SMOC2: variants seen among roughly 807,000 people sequenced by gnomAD.
The protein encoded by SMOC2 is SPARC-related modular calcium-binding protein 2.
SMOC2 carries 39 observed loss-of-function variants against 61.4 expected under a neutral mutation model. The observed-to-expected ratio is 0.64, with a 90% confidence interval of 0.49 to 0.83. The LOEUF (loss-of-function observed/expected upper bound fraction) is 0.83, where lower values mean the gene tolerates loss of function less well. Among genes scored for constraint, SMOC2 ranks in the 40% least tolerant of loss-of-function variants. The pLI, the probability that SMOC2 is intolerant of heterozygous loss-of-function variation, is 0.00. For missense variants in SMOC2, 556 were observed against 592.9 expected (o/e 0.94, Z 0.65); for synonymous variants, 247 against 239.9 (o/e 1.03, Z -0.27).
At chr6:168,665,666 T>A (rs1291445452) in intron 12 of SMOC2, among the ~76,000 whole-genome samples, 2 of 152,252 alleles carry the variant, frequency 1.3e-5, no homozygotes, top group Admixed American at 6.5e-5. Flanking sequence ...AACCATCTTT[T>A]GAGACTGTTA....
At chr6:168,631,217 C>G (rs1232021374) in intron 9 of SMOC2, among the ~76,000 whole-genome samples, 8 of 152,200 alleles carry the variant, frequency 5.3e-5, no homozygotes, top group Non-Finnish European at 2.9e-5. Flanking sequence ...CTTTTGTACT[C>G]TGTCCCTTTA....
chr6:168,541,957 C>T (rs928199797), intron 4 of SMOC2, among the ~76,000 whole-genome samples: 6 of 152,126 alleles, frequency 3.9e-5, no homozygotes, highest in African/African-American at 1.4e-4. Flanking sequence ...TCTGTCTGTA[C>T]AGTGCAAAAT....
At chr6:168,648,280 G>A (rs1455381656) in intron 9 of SMOC2, among the ~76,000 whole-genome samples, 4 of 152,338 alleles carry the variant, frequency 2.6e-5, no homozygotes, top group Admixed American at 6.5e-5. Context: ...GCAGGTGCCC[G>A]AGGTCCTGTG....
chr6:168,583,307 T>C (rs570419746), intron 7 of SMOC2, among the ~76,000 whole-genome samples: 1 of 151,962 alleles, frequency 6.6e-6, no homozygotes, highest in East Asian at 2.0e-4. Context: ...CTGCCCTGCC[T>C]CACTCCTTCC....
At chr6:168,607,048 G>A (rs1003351166) in intron 8 of SMOC2, among the ~76,000 whole-genome samples, 1 of 152,160 alleles carries the variant, frequency 6.6e-6, no homozygotes, top group African/African-American at 2.4e-5. Flanking sequence ...GAAAGGGGCG[G>A]TGGGTGTGCT....
chr6:168,585,697 G>A (rs1345476849), intron 7 of SMOC2, among the ~76,000 whole-genome samples: 1 of 152,236 alleles, frequency 6.6e-6, no homozygotes, highest in Non-Finnish European at 1.5e-5. Context: ...GGTTGTTCTA[G>A]CAGGCATGTG....
chr6:168,641,103 A>G (rs1786881295), intron 9 of SMOC2, among the ~76,000 whole-genome samples: 1 of 152,184 alleles, frequency 6.6e-6, no homozygotes, highest in African/African-American at 2.4e-5. Context: ...TGTCATGCCG[A>G]GTAACACTGA....
chr6:168,445,945 A>G (rs9346712), intron 1 of SMOC2, among the ~76,000 whole-genome samples: 6,323 of 152,354 alleles, frequency 0.042, 519 homozygotes, highest in East Asian at 0.3. Flanking sequence ...CAGATTTCTC[A>G]GTAATTCTAT....
intron 11 of SMOC2, among the ~76,000 whole-genome samples, chr6:168,661,167 C>CTG (rs1366493611): frequency 6.6e-6 from 1 of 151,884 alleles, no homozygotes. Context: ...GTTTTGTACC[C>CTG]TGTATAGTTT....
chr6:168,587,931 C>A (rs1390397734), intron 7 of SMOC2, among the ~76,000 whole-genome samples: 1 of 149,190 alleles, frequency 6.7e-6, no homozygotes, highest in African/African-American at 2.4e-5. Context: ...CACTGGGTGG[C>A]TTATAAACAA....
At chr6:168,500,197 G>T (rs1238733241) in intron 1 of SMOC2, among the ~76,000 whole-genome samples, 1 of 146,582 alleles carries the variant, frequency 6.8e-6, no homozygotes, top group African/African-American at 2.5e-5. Context: ...TGAGACAGGA[G>T]AATCACTTGA....
chr6:168,455,379 T>C (rs1042887275), intron 1 of SMOC2, among the ~76,000 whole-genome samples: 1 of 152,142 alleles, frequency 6.6e-6, no homozygotes, highest in African/African-American at 2.4e-5. Flanking sequence ...TCAGAAATGA[T>C]GGATTTAGAG....
intron 8 of SMOC2, among the ~76,000 whole-genome samples, chr6:168,603,242 CTT>C (rs35236951): frequency 0.37 from 35,834 of 96,088 alleles, 5,727 homozygotes; most frequent in Middle Eastern, 0.41. Context: ...TCAATTAAAC[CTT>C]TTTTTTTTTT....
At chr6:168,505,788 A>G (rs1219599562) in intron 1 of SMOC2, among the ~76,000 whole-genome samples, 2 of 152,112 alleles carry the variant, frequency 1.3e-5, no homozygotes, top group African/African-American at 2.4e-5. Context: ...TAAAATGGAG[A>G]AATGATTCTT....
intron 9 of SMOC2, among the ~76,000 whole-genome samples, chr6:168,647,975 G>A (rs1787087192): frequency 6.6e-6 from 1 of 151,762 alleles, no homozygotes; most frequent in Non-Finnish European, 1.5e-5. Flanking sequence ...TTTATATTAT[G>A]TTAGTCATGT....
chr6:168,447,335 A>G (rs1315920582), intron 1 of SMOC2, among the ~76,000 whole-genome samples: 1 of 151,604 alleles, frequency 6.6e-6, no homozygotes, highest in Non-Finnish European at 1.5e-5. Flanking sequence ...CTGGTCATCG[A>G]TTTTCTTTCT....
chr6:168,463,234 C>G (rs1583034086), intron 1 of SMOC2, among the ~76,000 whole-genome samples: 1 of 152,294 alleles, frequency 6.6e-6, no homozygotes, highest in African/African-American at 2.4e-5. Context: ...AATAGACCCC[C>G]TTTTCCCGTA....
Position 168,560,046 on chromosome 6 carries a change from G to A in SMOC2, c.637+10843G>A, listed in dbSNP as rs1698049700. ...GGTGCATGAATGTGCACATGTGTAT[G>A]TGTGTAACCACACATGTACTTCATA... On this transcript the variant is annotated intron_variant, in intron 7 of 12. Transcript: ENST00000356284. 2.6e-5 allele frequency among the ~76,000 whole-genome samples: 4 copies of A among 152,228 alleles called. No individual in the cohort carries two copies. In the South Asian group the frequency reaches 8.3e-4, roughly 32 times the overall value.
intron 9 of SMOC2, among the ~76,000 whole-genome samples, chr6:168,646,183 A>G (rs988869908): frequency 6.6e-6 from 1 of 152,158 alleles, no homozygotes; most frequent in African/African-American, 2.4e-5. Context: ...TAATAATGTT[A>G]CTTGCGTGTG....
Sources: gnomAD v4.1 joint callset for allele counts (sites outside exome capture counted in the v4.1 genomes callset) on GRCh38, gnomAD v4.1.1 for gene constraint, MANE v1.5 for transcripts, NCBI Gene and HGNC (gene_info 2026-07-23, HGNC 2026-07-21) for gene names.